Variants in SLC24A2 observed in about 807,000 individuals in gnomAD.
The protein encoded by SLC24A2 is sodium/potassium/calcium exchanger 2.
Under a neutral mutation model 62.0 loss-of-function variants are expected in SLC24A2, and 36 were observed. That is an observed-to-expected ratio of 0.58 (90% CI 0.44 to 0.77). SLC24A2 has a LOEUF of 0.77. Among genes scored for constraint, SLC24A2 ranks in the 30% least tolerant of loss-of-function variants. SLC24A2 has a pLI of 0.00. For synonymous variants in SLC24A2, 358 were observed against 294.0 expected, an observed-to-expected ratio of 1.22 and a Z score of -2.23; for missense variants, 846 against 817.9, an observed-to-expected ratio of 1.03 and a Z score of -0.42.
At chr9:20,088,195 C>T in the SLC24A2 span, among the ~76,000 whole-genome samples, 4 of 152,276 alleles carry the variant, frequency 2.6e-5, no homozygotes, top group Admixed American at 2.6e-4. Context: ...TGAGCAGCCA[C>T]AGGCGGTAGG....
intron 9 of SLC24A2, among the ~76,000 whole-genome samples, chr9:19,526,446 C>T (rs1586892395): frequency 6.6e-6 from 1 of 152,156 alleles, no homozygotes; most frequent in Non-Finnish European, 1.5e-5. Flanking sequence ...AAAGTGGCTG[C>T]ACTGTTTTAC....
intron 9 of SLC24A2, among the ~76,000 whole-genome samples, chr9:19,524,391 A>G (rs1224307868): frequency 6.7e-6 from 1 of 149,750 alleles, no homozygotes; most frequent in Admixed American, 6.8e-5. Flanking sequence ...AATAAGAAAC[A>G]AGAACAACAA....
intron 3 of SLC24A2, among the ~76,000 whole-genome samples, chr9:19,620,543 G>A (rs554092666): frequency 6.6e-6 from 1 of 152,342 alleles, no homozygotes; most frequent in Admixed American, 6.5e-5. Flanking sequence ...ACGTGACAAG[G>A]AAGAATGAGT....
At chr9:19,974,531 G>A in the SLC24A2 span, among the ~76,000 whole-genome samples, 33 of 152,078 alleles carry the variant, frequency 2.2e-4, no homozygotes, top group Non-Finnish European at 4.0e-4. Context: ...CATAACCTAC[G>A]CTTTAGAACA....
In SLC24A2 at chr9:19,715,281, C is replaced by G. The variant is rs189501319; in HGVS notation, c.930+70656G>C. On this transcript the variant is annotated intron_variant, in intron 2 of 10. Transcript: ENST00000341998. ...TTGTATTTTCTTTTATAATATTTTG[C>G]TTTCTGAAAAATATCTCAGTTGATA... Among the ~76,000 whole-genome samples, 95 of 152,168 alleles carry G rather than the reference C, an allele frequency of 6.2e-4. 1 individual carries two copies. Among genetic ancestry groups the G allele is most frequent in the Non-Finnish European group, 1.0e-3 (70 of 68,008 alleles).
chr9:19,850,972 T>TACACATAC, the SLC24A2 span, among the ~76,000 whole-genome samples: 1 of 47,872 alleles, frequency 2.1e-5, no homozygotes, highest in African/African-American at 9.1e-5. Context: ...TATATGTATA[T>TACACATAC]ATATATATAT....
Position 19,509,815 on chromosome 9 carries a change from A to T in SLC24A2, c.*6338T>A, listed in dbSNP as rs1231680059. The T allele has an allele frequency of 6.6e-6, 1 of 152,114 alleles. No homozygotes were observed. The highest frequency in any genetic ancestry group is 1.5e-5 in the Non-Finnish European group (1 of 68,018). The allele number at this position is 152,114 out of a possible 1,614,324, so 9.4% of individuals were successfully genotyped here. A position where few individuals can be genotyped will look rare whatever the true frequency, so the allele number is the denominator to read the frequency against. On this transcript the variant is annotated 3_prime_UTR_variant, in exon 11 of 11. Transcript: ENST00000341998. ...TCTCCAAGGCCTTAGTTACTTATGG[A>T]TCCATTATGAAGGAATATGCAACCC...
the SLC24A2 span, among the ~76,000 whole-genome samples, chr9:19,931,995 T>C: frequency 6.6e-6 from 1 of 152,100 alleles, no homozygotes; most frequent in African/African-American, 2.4e-5. Context: ...TTTTGTTAAT[T>C]TAAAAAATCA....
At chr9:19,758,693 G>C (rs944237137) in intron 2 of SLC24A2, among the ~76,000 whole-genome samples, 1 of 152,132 alleles carries the variant, frequency 6.6e-6, no homozygotes, top group African/African-American at 2.4e-5. Flanking sequence ...GTAAGTGTGA[G>C]GGTCCAAGAC....
intron 8 of SLC24A2, among the ~76,000 whole-genome samples, chr9:19,533,736 A>G (rs777362311): frequency 3.3e-5 from 5 of 152,216 alleles, no homozygotes; most frequent in African/African-American, 7.2e-5. Context: ...GCCAATTCAC[A>G]GAATTATGGG....
chr9:19,949,990 G>A, the SLC24A2 span, among the ~76,000 whole-genome samples: 33 of 152,278 alleles, frequency 2.2e-4, 1 homozygote, highest in East Asian at 2.1e-3. Context: ...CCCATCCACT[G>A]AATTGTATAA....
rs199990362 is a variant in SLC24A2, at chr9:19,516,290, C to T, written c.1849G>A (p.Val617Ile). The T allele has an allele frequency of 2.5e-5, 41 of 1,613,962 alleles. No homozygotes were observed. The highest frequency in any genetic ancestry group is 1.6e-4 in the Middle Eastern group (1 of 6,084). ...TTGCAGAGGGCGATAGAGAGGATGACGAAGAGCAGCATGATGAAGAGAAGG... is the reference window on the plus strand; with the variant it reads ...TTGCAGAGGGCGATAGAGAGGATGATGAAGAGCAGCATGATGAAGAGAAGG... ...IVLLFIMLLF[V>I]ILSIALCKWR... The change falls in exon 11 of 11, where the codon GTC becomes ATC. Residue 617 changes from valine to isoleucine, a missense_variant. Physicochemically the swap from Val to Ile is conservative, Grantham distance 29. Coordinates refer to ENST00000341998, the MANE Select transcript of SLC24A2 (RefSeq NM_020344.4).
the SLC24A2 span, among the ~76,000 whole-genome samples, chr9:19,875,025 C>T: frequency 3.4e-5 from 5 of 148,620 alleles, no homozygotes; most frequent in Admixed American, 3.4e-4. Context: ...AAAGCTCAGC[C>T]AAAAGTTTTT....
At chr9:19,856,845 G>A in the SLC24A2 span, among the ~76,000 whole-genome samples, 1 of 152,196 alleles carries the variant, frequency 6.6e-6, no homozygotes, top group Non-Finnish European at 1.5e-5. Context: ...CTGCACTGGG[G>A]AGAAATCCCC....
In SLC24A2 at chr9:19,786,359, T is replaced by G; in HGVS notation, c.508A>C (p.Ile170Leu). ...SLTVITEKLG[I>L]SDDVAGATFM... ...GTGGCTCCAGCCACATCATCAGAGA[T>G]GCCCAGTTTTTCAGTGATGACAGTC... is the stretch of plus-strand genomic sequence containing the variant. Residue 170 changes from isoleucine to leucine, a missense_variant, in exon 2 of 11, where the codon ATC (isoleucine) becomes CTC (leucine). By Grantham distance (5) the Ile-to-Leu change is conservative. Transcript: ENST00000341998. The surrounding 1 kb of genome is among the most constrained non-coding windows in gnomAD (Gnocchi z 5.0). 6.2e-7 allele frequency: 1 copy of G among 1,614,212 alleles called. No individual in the cohort carries two copies. The highest frequency in any genetic ancestry group is 8.5e-7 in the Non-Finnish European group (1 of 1,180,042).
At chr9:19,590,761 C>T (rs1311153178) in intron 5 of SLC24A2, among the ~76,000 whole-genome samples, 2 of 152,150 alleles carry the variant, frequency 1.3e-5, no homozygotes, top group African/African-American at 4.8e-5. Flanking sequence ...TAAGCCTACA[C>T]CTCATCACTA....
intron 7 of SLC24A2, among the ~76,000 whole-genome samples, chr9:19,557,593 C>G (rs976208216): frequency 6.6e-6 from 1 of 152,204 alleles, no homozygotes; most frequent in African/African-American, 2.4e-5. Flanking sequence ...TAAATGCTGG[C>G]AGGGCCAGCT....
chr9:20,155,976 T>G, the SLC24A2 span, among the ~76,000 whole-genome samples: 2 of 151,916 alleles, frequency 1.3e-5, no homozygotes, highest in African/African-American at 4.8e-5. Context: ...TGCATTATAA[T>G]AATTTATTTA....
At chr9:20,228,845 T>C in the SLC24A2 span, among the ~76,000 whole-genome samples, 1 of 152,118 alleles carries the variant, frequency 6.6e-6, no homozygotes, top group Admixed American at 6.5e-5. Flanking sequence ...GCTAAGGCTG[T>C]TCACTCTGTA....
Sources: allele counts gnomAD v4.1 joint callset (sites outside exome capture counted in the v4.1 genomes callset), GRCh38; gene constraint gnomAD v4.1.1; non-coding constraint Gnocchi (gnomAD v3.1); transcripts MANE v1.5; gene names NCBI Gene and HGNC (gene_info 2026-07-23, HGNC 2026-07-21).